The following PAMR1 variants were observed in gnomAD, a reference collection of about 807,000 sequenced individuals.
The protein encoded by PAMR1 is peptidase domain containing associated with muscle regeneration 1.
A neutral mutation model predicts 81.8 loss-of-function variants in PAMR1; 88 were observed. That is an observed-to-expected ratio of 1.08 (90% CI 0.91 to 1.28). The LOEUF is 1.28. PAMR1 is among the 50% of genes most tolerant of loss of function. The pLI is 0.00. For synonymous variants in PAMR1, 336 were observed against 345.3 expected (o/e 0.97, Z 0.30); for missense variants, 935 against 919.7 (o/e 1.02, Z -0.21).
intron 1 of PAMR1, among the ~76,000 whole-genome samples, chr11:35,511,132 G>A (rs1258186069): frequency 1.3e-5 from 2 of 152,228 alleles, no homozygotes; most frequent in Non-Finnish European, 2.9e-5. Context: ...ATGAGTGAGT[G>A]AAAGAAAGCT....
At chr11:35,509,963 A>G (rs1851042920) in intron 1 of PAMR1, among the ~76,000 whole-genome samples, 1 of 152,218 alleles carries the variant, frequency 6.6e-6, no homozygotes, top group South Asian at 2.1e-4. Flanking sequence ...AGAAAACACA[A>G]AGAACTCATA....
At chr11:35,525,918 G>C, upstream of PAMR1, 1 of 388,044 alleles carries the variant, frequency 2.6e-6, no homozygotes, top group South Asian at 3.2e-5. Flanking sequence ...TGGGTGCTGG[G>C]AGGAGGGGCC....
chr11:35,469,370 C>T (rs1169938624), intron 5 of PAMR1, among the ~76,000 whole-genome samples: 1 of 152,216 alleles, frequency 6.6e-6, no homozygotes, highest in South Asian at 2.1e-4. Flanking sequence ...GACCGTCCCT[C>T]AGTCCCAGAT....
chr11:35,483,796 T>C (rs895223249), intron 3 of PAMR1, among the ~76,000 whole-genome samples: 5 of 152,220 alleles, frequency 3.3e-5, no homozygotes, highest in African/African-American at 1.2e-4. Flanking sequence ...AGCTGAGCTA[T>C]GATTGATGAG....
chr11:35,487,987 C>A (rs576098102), intron 3 of PAMR1, among the ~76,000 whole-genome samples: 2 of 152,292 alleles, frequency 1.3e-5, no homozygotes, highest in African/African-American at 2.4e-5. Context: ...ATAAATAATT[C>A]TTTTCCTCCT....
chr11:35,461,722 T>C (rs915626655), intron 6 of PAMR1, among the ~76,000 whole-genome samples: 1 of 152,154 alleles, frequency 6.6e-6, no homozygotes, highest in African/African-American at 2.4e-5. Flanking sequence ...TAAATCCAAA[T>C]GGGATGGCAT....
intron 5 of PAMR1, 47 bp from the exon 6 acceptor site, chr11:35,468,155 T>C (rs1475888994): frequency 1.7e-6 from 2 of 1,209,318 alleles, no homozygotes; most frequent in South Asian, 2.6e-5. Flanking sequence ...ATTGAGTCGA[T>C]GTCTTCAGGC....
intron 1 of PAMR1, among the ~76,000 whole-genome samples, chr11:35,512,140 A>AT (rs1372243162): frequency 2.0e-5 from 3 of 152,272 alleles, no homozygotes; most frequent in East Asian, 1.9e-4. Context: ...TAGAAATCTG[A>AT]TTTTTTATCA....
intron 6 of PAMR1, among the ~76,000 whole-genome samples, chr11:35,449,947 A>G (rs1469615216): frequency 6.6e-6 from 1 of 151,620 alleles, no homozygotes; most frequent in African/African-American, 2.4e-5. Context: ...CAATGAGAGA[A>G]CCTAGATACC....
intron 3 of PAMR1, among the ~76,000 whole-genome samples, chr11:35,489,466 T>A (rs910783393): frequency 2.6e-5 from 4 of 152,208 alleles, no homozygotes; most frequent in Non-Finnish European, 5.9e-5. Context: ...ATCGCACTCC[T>A]AATGGCTACC....
chr11:35,458,246 A>C (rs960636789), intron 6 of PAMR1, among the ~76,000 whole-genome samples: 29 of 152,306 alleles, frequency 1.9e-4, no homozygotes, highest in African/African-American at 6.7e-4. Flanking sequence ...TAAAATCAGC[A>C]ATGGTTGCAC....
intron 3 of PAMR1, among the ~76,000 whole-genome samples, chr11:35,475,466 T>G (rs1299616291): frequency 1.3e-5 from 2 of 152,230 alleles, no homozygotes; most frequent in East Asian, 3.8e-4. Context: ...CCTTACCTAG[T>G]CTGCTGAGTT....
chr11:35,456,920 CT>C (rs1198422089), intron 6 of PAMR1, among the ~76,000 whole-genome samples: 1 of 152,088 alleles, frequency 6.6e-6, no homozygotes, highest in Non-Finnish European at 1.5e-5. Context: ...TTAGATCTAA[CT>C]TTTTTTTAAA....
At chr11:35,513,929 C>G (rs10836409) in intron 1 of PAMR1, among the ~76,000 whole-genome samples, 29,744 of 152,120 alleles carry the variant, frequency 0.2, 3,034 homozygotes, top group East Asian at 0.28. Context: ...ACCAAAAAGG[C>G]ACCTTCCCTC....
Position 35,525,541 on chromosome 11 carries a change from C to A in PAMR1, c.45G>T (p.Gln15His). 6.2e-7 allele frequency: 1 copy of A among 1,614,054 alleles called. No individual in the cohort carries two copies. Among genetic ancestry groups the A allele is most frequent in the Non-Finnish European group, 8.5e-7 (1 of 1,179,966 alleles). ...CWTQLGLTFL[Q>H]LLLISSLPRE... ...TTGGCAAGGACGAGATGAGAAGGAG[C>A]TGAAGAAAAGTGAGCCCCAACTGCG... is the stretch of plus-strand genomic sequence containing the variant. The change falls in exon 1 of 11, where the codon CAG becomes CAT. Residue 15 changes from glutamine to histidine, a missense_variant. Physicochemically the swap from Gln to His is conservative, Grantham distance 24. Coordinates refer to ENST00000619888, the MANE Select transcript of PAMR1 (RefSeq NM_001001991.3).
Position 35,432,881 on chromosome 11 carries a change from G to C in PAMR1, c.1638C>G (p.Ile546Met). Residue 546 changes from isoleucine (I) to methionine (M), a missense_variant, in exon 11 of 11, where the codon ATC becomes ATG. By Grantham distance (10) the Ile-to-Met change is conservative (BLOSUM62 1). Transcript: ENST00000619888. ...TGGGGTCATAGTTGGGATGCAGAAT[G>C]ATAGCAGAAATCTACAAATGCAAGG... Reference protein sequence around the residue: ...KTIQSLQISAIILHPNYDPIL... With the variant: ...KTIQSLQISAMILHPNYDPIL... 2.5e-6 allele frequency: 4 copies of C among 1,577,716 alleles called. No individual in the cohort carries two copies. The highest frequency in any genetic ancestry group is 3.4e-6 in the Non-Finnish European group (4 of 1,166,190).
chr11:35,526,372 G>A (rs1453141991), upstream of PAMR1, among the ~76,000 whole-genome samples: 1 of 152,216 alleles, frequency 6.6e-6, no homozygotes, highest in African/African-American at 2.4e-5. Context: ...GCCAGGCAGG[G>A]ATGGCGAAGA....
chr11:35,479,767 T>G (rs1043411100), intron 3 of PAMR1, among the ~76,000 whole-genome samples: 1 of 152,226 alleles, frequency 6.6e-6, no homozygotes, highest in African/African-American at 2.4e-5. Context: ...TTCTGAATTT[T>G]CATCTTGGCT....
rs770367144 is a variant in PAMR1 at position 35,432,857 on chromosome 11, G to A, written c.1662C>T (p.Pro554=). The change falls in exon 11 of 11, where the codon CCC becomes CCT. Residue 554 remains proline (P), a synonymous_variant. Transcript: ENST00000619888. ...TGGCGATGTCAGCATCAAGCAGGAT[G>A]GGGTCATAGTTGGGATGCAGAATGA... ...SAIILHPNYD[P]ILLDADIAIL... The A allele has an allele frequency of 6.3e-7, 1 of 1,596,188 alleles. No homozygotes were observed.
Sources: gnomAD v4.1 joint callset for allele counts (sites outside exome capture counted in the v4.1 genomes callset) on GRCh38, gnomAD v4.1.1 for gene constraint, MANE v1.5 for transcripts, NCBI Gene and HGNC (gene_info 2026-07-23, HGNC 2026-07-21) for gene names.